Variants in ACE observed in about 807,000 individuals in gnomAD.
ACE encodes the protein angiotensin I converting enzyme, also known as angiotensin-converting enzyme.
Under a neutral mutation model 162.3 loss-of-function variants are expected in ACE, and 122 were observed. The ratio of observed to expected loss-of-function variants is 0.75; its 90% CI spans 0.65 to 0.87. The LOEUF is 0.87. Ranked by LOEUF, ACE falls within the 40% of genes least tolerant of loss-of-function variation. The probability of loss-of-function intolerance (pLI) is 0.00; values close to 1 mark genes in which losing one functional copy is unlikely to be tolerated. For missense variants in ACE, 1,799 were observed against 1,735.1 expected, an observed-to-expected ratio of 1.04 and a Z score of -0.65; for synonymous variants, 796 against 720.6, an observed-to-expected ratio of 1.10 and a Z score of -1.68.
At chr17:63,492,308 C>T (rs946326580) in intron 19 of ACE, among the ~76,000 whole-genome samples, 70 of 152,356 alleles carry the variant, frequency 4.6e-4, no homozygotes, top group African/African-American at 1.6e-3. Context: ...TTGGCTAGAA[C>T]AAGTCACAAG....
Position 63,491,481 on chromosome 17 carries a change from G to C in ACE, c.2912+100G>C. 1 of 1,492,112 alleles carries C rather than the reference G, an allele frequency of 6.7e-7. No individual in the cohort carries two copies. Among genetic ancestry groups the C allele is most frequent in the South Asian group, 1.1e-5 (1 of 87,660 alleles). The allele number at this position is 1,492,112 out of a possible 1,614,324, so 92.4% of individuals were successfully genotyped here. ...TACTGTCCCCCAGCTGGAGCCAGCA[G>C]GGCAGGATGGGGACAGGGCCAGAGT... On this transcript the variant is annotated intron_variant, in intron 19 of 24. Transcript: ENST00000290866. The surrounding 1 kb of genome is among the most constrained non-coding windows in gnomAD (Gnocchi z 4.4).
chr17:63,481,238 A>T (rs1488873724), intron 6 of ACE, 50 bp downstream of exon 6: 1 of 1,502,010 alleles, frequency 6.7e-7, no homozygotes, highest in Admixed American at 1.7e-5. Flanking sequence ...GGTGGGGCGC[A>T]AAAAAAGGGA....
intron 5 of ACE, 152 bp downstream of exon 5, chr17:63,480,680 C>A: frequency 1.1e-6 from 1 of 905,456 alleles, no homozygotes; most frequent in Non-Finnish European, 1.7e-6. Context: ...TGCAGGAGAC[C>A]ATTCGTGTTC....
In ACE at chr17:63,483,578, A is replaced by ACCC; in HGVS notation, c.1586+21_1586+23dup. 1 of 800,412 alleles carries ACCC rather than the reference A, an allele frequency of 1.2e-6. No homozygotes were observed. The allele number at this position is 800,412 out of a possible 1,614,324, so 49.6% of individuals were successfully genotyped here. A position where few individuals can be genotyped will look rare whatever the true frequency, so the allele number is the denominator to read the frequency against. On this transcript the variant is annotated intron_variant, in intron 10 of 24. Coordinates refer to ENST00000290866, the MANE Select transcript of ACE (RefSeq NM_000789.4). The stretch of plus-strand genomic sequence containing the variant: ...CATCAGGTATTAGCGCCCCCACCCC[A>ACCC]CCCACCCCCAGTACTGTCACACCCT...
intron 2 of ACE, 65 bp from the exon 3 acceptor site, chr17:63,478,942 A>T (rs970969230): frequency 4.4e-5 from 61 of 1,401,772 alleles, no homozygotes; most frequent in Non-Finnish European, 5.7e-5. Context: ...TCCTTCTAGC[A>T]GCGAGGGGAG....
chr17:63,477,483 C>A (rs2049637066), intron 1 of ACE, 140 bp downstream of exon 1: 2 of 625,020 alleles, frequency 3.2e-6, no homozygotes, highest in Non-Finnish European at 4.1e-6. Flanking sequence ...GACAGTCAGC[C>A]GCGGGGCCCG....
chr17:63,479,251 C>T (rs777825248), intron 3 of ACE, 151 bp downstream of exon 3: 3 of 712,418 alleles, frequency 4.2e-6, no homozygotes, highest in Non-Finnish European at 7.5e-6. Context: ...GGTGCAGATA[C>T]CCCCACGCCC....
chr17:63,489,276 G>A (rs1421371219), intron 17 of ACE, 144 bp downstream of exon 17: 12 of 1,028,926 alleles, frequency 1.2e-5, no homozygotes, highest in African/African-American at 3.2e-5. Context: ...CAGGCTGGAG[G>A]GGGGTGGGCG....
intron 13 of ACE, chr17:63,485,860 CT>C (rs1317665101): frequency 9.4e-6 from 2 of 212,034 alleles, no homozygotes; most frequent in Admixed American, 5.3e-5. Context: ...AAAAATCAGT[CT>C]CTGGGAGGCC....
intron 9 of ACE, 111 bp from the exon 10 acceptor site, chr17:63,483,349 A>T (rs907742321): frequency 1.4e-6 from 2 of 1,470,692 alleles, no homozygotes; most frequent in African/African-American, 2.8e-5. Flanking sequence ...AGTCTTCCCC[A>T]GTTCCTCAGG....
Position 63,483,567 on chromosome 17 carries a change from G to GCGGGGGGGGGGCCCCCCCC in ACE, c.1586+10_1586+11insGGGGGGGGGGCCCCCCCCC. Reference sequence around the variant, plus strand: ...GTGACACCATACATCAGGTATTAGCGCCCCCACCCCACCCACCCCCAGTAC... The same window carrying GCGGGGGGGGGGCCCCCCCC: ...GTGACACCATACATCAGGTATTAGCGCGGGGGGGGGGCCCCCCCCCCCCCACCCCACCCACCCCCAGTAC... On this transcript the variant is annotated intron_variant, in intron 10 of 24. Coordinates refer to ENST00000290866, the MANE Select transcript of ACE (RefSeq NM_000789.4). 6.3e-7 allele frequency: 1 copy of GCGGGGGGGGGGCCCCCCCC among 1,589,424 alleles called. No homozygotes were observed. Among genetic ancestry groups the GCGGGGGGGGGGCCCCCCCC allele is most frequent in the Non-Finnish European group, 8.6e-7 (1 of 1,165,590 alleles).
chr17:63,477,422 C>T, intron 1 of ACE, 79 bp downstream of exon 1: 3 of 1,107,738 alleles, frequency 2.7e-6, no homozygotes, highest in East Asian at 4.3e-5. Context: ...GTGGGGCGGG[C>T]AGGCTGGCGC....
intron 9 of ACE, 90 bp downstream of exon 9, chr17:63,483,263 C>G: frequency 6.2e-7 from 1 of 1,600,356 alleles, no homozygotes; most frequent in Admixed American, 1.7e-5. Flanking sequence ...CCAGTTCTAG[C>G]CTCTCCTCTC....
rs752660066 is a variant in ACE, at chr17:63,485,245, C to T, written c.1931C>T (p.Thr644Ile). The change falls in exon 13 of 25, where the codon ACT becomes ATT. Residue 644 changes from threonine to isoleucine, a missense_variant. Physicochemically the swap from Thr to Ile is moderately conservative, Grantham distance 89. Transcript: ENST00000290866. ...DNYPEGIDLV[T>I]DEAEASKFVE... is the part of the protein sequence containing the mutation. The stretch of plus-strand genomic sequence containing the variant: ...GCACTCTGTCCCACAGACCTGGTGA[C>T]TGATGAGGCTGAGGCCAGCAAGTTT... 1 of 1,614,134 alleles carries T rather than the reference C, an allele frequency of 6.2e-7. No individual in the cohort carries two copies. Among genetic ancestry groups the T allele is most frequent in the Non-Finnish European group, 8.5e-7 (1 of 1,180,032 alleles).
chr17:63,477,262 C>A lies in ACE; in HGVS notation c.168C>A (p.Ser56Arg), dbSNP rs868605010. 6.7e-7 allele frequency: 1 copy of A among 1,498,872 alleles called. No individual in the cohort carries two copies. The highest frequency in any genetic ancestry group is 2.0e-5 in the Admixed American group (1 of 48,876). The allele number at this position is 1,498,872 out of a possible 1,614,324, so 92.8% of individuals were successfully genotyped here. ...AQLFAQSYNS[S>R]AEQVLFQSVA... ...TCTTCGCGCAGAGCTACAACTCCAG[C>A]GCCGAACAGGTGCTGTTCCAGAGCG... Residue 56 changes from serine to arginine, a missense_variant, in exon 1 of 25, where the codon AGC (serine) becomes AGA (arginine). Physicochemically the swap from Ser to Arg is moderately radical, Grantham distance 110. Transcript: ENST00000290866.
At chr17:63,478,485 G>A (rs925524754) in intron 2 of ACE, 3 of 308,660 alleles carry the variant, frequency 9.7e-6, no homozygotes, top group African/African-American at 6.5e-5. Flanking sequence ...GGCCAACATG[G>A]CAAAACCTCG....
intron 4 of ACE, 49 bp downstream of exon 4, chr17:63,479,961 A>G (rs1227249560): frequency 1.3e-6 from 2 of 1,571,434 alleles, no homozygotes; most frequent in Non-Finnish European, 1.7e-6. Context: ...GTCCTCTCTC[A>G]GCTGTCTCCC....
chr17:63,477,290 G>A lies in ACE; in HGVS notation c.196G>A (p.Ala66Thr), dbSNP rs1450630173. ...SAEQVLFQSVAASWAHDTNIT... is the reference protein window; with the variant it reads ...SAEQVLFQSVTASWAHDTNIT... ...CGAACAGGTGCTGTTCCAGAGCGTGGCCGCCAGCTGGGCGCACGACACCAA... is the reference window on the plus strand; with the variant it reads ...CGAACAGGTGCTGTTCCAGAGCGTGACCGCCAGCTGGGCGCACGACACCAA... Residue 66 changes from alanine to threonine, a missense_variant, in exon 1 of 25, where the codon GCC becomes ACC. Coordinates refer to ENST00000290866, the MANE Select transcript of ACE (RefSeq NM_000789.4). 3 of 1,449,236 alleles carry A rather than the reference G, an allele frequency of 2.1e-6. No individual in the cohort carries two copies. Among genetic ancestry groups the A allele is most frequent in the East Asian group, 3.0e-5 (1 of 33,500 alleles). 89.8% of individuals were successfully genotyped at this position (1,449,236 alleles called of 1,614,324 possible).
rs759013354 is a variant in ACE at position 63,494,102 on chromosome 17, A to T, written c.3281+36A>T. ...ACTCCCACGGGATGCGGGCTGGGGG[A>T]TCTCTGCGAGTGTCTGCATGTGCCT... On this transcript the variant is annotated intron_variant, in intron 21 of 24. Coordinates refer to ENST00000290866, the MANE Select transcript of ACE (RefSeq NM_000789.4). The T allele has an allele frequency of 2.5e-6, 4 of 1,612,164 alleles. No homozygotes were observed. In the Admixed American group the frequency reaches 6.7e-5, roughly 27 times the overall value.
Sources: gnomAD v4.1 joint callset for allele counts (sites outside exome capture counted in the v4.1 genomes callset) on GRCh38, gnomAD v4.1.1 for gene constraint, Gnocchi (gnomAD v3.1) non-coding constraint, MANE v1.5 for transcripts, NCBI Gene and HGNC (gene_info 2026-07-23, HGNC 2026-07-21) for gene names.